NBEA: variants seen among roughly 807,000 people sequenced by gnomAD.
NBEA encodes the protein neurobeachin, also known as lysosomal-trafficking regulator 2.
Under a neutral mutation model 343.4 loss-of-function variants are expected in NBEA, and 44 were observed. The observed-to-expected ratio is 0.13, with a 90% CI of 0.10 to 0.16. The LOEUF (loss-of-function observed/expected upper bound fraction) is 0.16, where lower values mean the gene tolerates loss of function less well. Ranked by LOEUF, NBEA falls within the 10% of genes least tolerant of loss-of-function variation. The probability of loss-of-function intolerance (pLI) is 1.00; values close to 1 mark genes in which losing one functional copy is unlikely to be tolerated. For missense variants in NBEA, 2,555 were observed against 3,631.3 expected, an observed-to-expected ratio of 0.70 and a Z score of 7.62; for synonymous variants, 1,175 against 1,238.7, an observed-to-expected ratio of 0.95 and a Z score of 1.08.
chr13:35,432,337 G>A lies in NBEA; in HGVS notation c.6248G>A (p.Arg2083His), dbSNP rs201478045. 68 of 1,608,770 alleles carry A rather than the reference G, an allele frequency of 4.2e-5. No homozygotes were observed. Among genetic ancestry groups the A allele is most frequent in the Middle Eastern group, 3.3e-4 (2 of 6,072 alleles). ...DDLRRRRRFV[R>H]NAFGSTHAEA... is the part of the protein sequence containing the mutation. ...CTTCGTCGAAGGAGACGATTTGTTC[G>A]CAATGCATTTGGCTCCACTCATGCT... The change falls in exon 39 of 59, where the codon CGC (arginine) becomes CAC (histidine). Residue 2083 changes from arginine (R) to histidine (H), a missense_variant. Arg to His is a conservative substitution (Grantham distance 29). Around this residue, in one of 21 missense-constraint regions of NBEA, gnomAD observed 246 missense variants for 313.7 expected, o/e 0.78. Transcript: ENST00000379939.
At chr13:35,179,554 A>ATAAAAAG (rs2071162176) in intron 28 of NBEA, among the ~76,000 whole-genome samples, 1 of 151,412 alleles carries the variant, frequency 6.6e-6, no homozygotes, top group Admixed American at 6.6e-5. Context: ...AAAATAAAAA[A>ATAAAAAG]TAAAAAAAAA....
intron 18 of NBEA, among the ~76,000 whole-genome samples, chr13:35,150,137 A>G (rs768020674): frequency 3.3e-5 from 5 of 152,234 alleles, no homozygotes; most frequent in Non-Finnish European, 5.9e-5. Flanking sequence ...CAGACCTCTG[A>G]CCAATTTTAG....
At chr13:35,556,939 G>GT in intron 44 of NBEA, among the ~76,000 whole-genome samples, 1 of 152,198 alleles carries the variant, frequency 6.6e-6, no homozygotes, top group East Asian at 1.9e-4. Flanking sequence ...ACGTTCTTGT[G>GT]TAACAGTTTT....
intron 49 of NBEA, among the ~76,000 whole-genome samples, chr13:35,636,941 T>TG (rs2083716473): frequency 6.6e-6 from 1 of 152,250 alleles, no homozygotes; most frequent in Non-Finnish European, 1.5e-5. Context: ...GCAATGAGAC[T>TG]CTACAGCCTT....
intron 28 of NBEA, among the ~76,000 whole-genome samples, 200 bp from the exon 29 acceptor site, chr13:35,182,160 T>C (rs2071360989): frequency 6.6e-6 from 1 of 151,338 alleles, no homozygotes; most frequent in Non-Finnish European, 1.5e-5. Flanking sequence ...CATTCCAACC[T>C]GTAGATGATA....
intron 37 of NBEA, among the ~76,000 whole-genome samples, chr13:35,351,382 TAAAG>T (rs1047435411): frequency 3.9e-5 from 6 of 151,962 alleles, no homozygotes; most frequent in African/African-American, 9.7e-5. Context: ...AATTTATAAT[TAAAG>T]AAATATTTCT....
intron 34 of NBEA, among the ~76,000 whole-genome samples, chr13:35,261,484 C>T (rs2152798464): frequency 6.6e-6 from 1 of 151,966 alleles, no homozygotes; most frequent in Non-Finnish European, 1.5e-5. Flanking sequence ...GCACTCCAGC[C>T]TGGGCAACAG....
At chr13:35,183,360 A>C (rs2071446440) in intron 29 of NBEA, among the ~76,000 whole-genome samples, 1 of 152,042 alleles carries the variant, frequency 6.6e-6, no homozygotes, top group Admixed American at 6.6e-5. Flanking sequence ...TTTCCTAAAT[A>C]AATGCATATG....
chr13:35,522,465 A>G (rs1345709007), intron 41 of NBEA, among the ~76,000 whole-genome samples: 1 of 127,960 alleles, frequency 7.8e-6, no homozygotes, highest in Non-Finnish European at 1.7e-5. Context: ...ACAAAGCAAG[A>G]TACCATCTCC....
chr13:35,297,914 AT>A (rs1047990622), intron 35 of NBEA, among the ~76,000 whole-genome samples: 5 of 151,712 alleles, frequency 3.3e-5, no homozygotes, highest in Admixed American at 2.0e-4. Flanking sequence ...TAAATTCACA[AT>A]GTTATGTAAC....
At chr13:34,999,379 C>T (rs1238485097) in intron 1 of NBEA, among the ~76,000 whole-genome samples, 9 of 151,962 alleles carry the variant, frequency 5.9e-5, no homozygotes. Flanking sequence ...CACAGCTCTC[C>T]CCCAATACTC....
In NBEA at chr13:35,106,749, A is replaced by T. The variant is rs116028241; in HGVS notation, c.1681-2541A>T. 6.4e-3 allele frequency among the ~76,000 whole-genome samples: 975 copies of T among 152,028 alleles called. 11 individuals carry two copies. The highest frequency in any genetic ancestry group is 0.022 in the African/African-American group (934 of 41,544). On this transcript the variant is annotated intron_variant, in intron 11 of 58. Transcript: ENST00000379939. ...ACCCAACAGCATTAATTGGTATGCG[A>T]AAACAATGGCCCCCTCCGCCTTTTT...
Position 35,621,138 on chromosome 13 carries a change from A to T in NBEA, c.7450-6943A>T, listed in dbSNP as rs570658933. On this transcript the variant is annotated intron_variant, in intron 48 of 58. Coordinates refer to ENST00000379939, the MANE Select transcript of NBEA (RefSeq NM_001385012.1). ...GTGTCCTCTAAGGCTAATGTCTGAC[A>T]TATGGTTGGTGGTCAGTAATCTGGG... Among the ~76,000 whole-genome samples the T allele has an allele frequency of 5.3e-5, 8 of 152,308 alleles. No homozygotes were observed. In the South Asian group the frequency reaches 1.5e-3, roughly 28 times the overall value.
At chr13:35,191,091 C>T (rs991582273) in intron 30 of NBEA, among the ~76,000 whole-genome samples, 4 of 152,038 alleles carry the variant, frequency 2.6e-5, no homozygotes, top group African/African-American at 9.7e-5. Context: ...TTATCCTACG[C>T]TGGGGAACAG....
chr13:35,379,136 T>A (rs1484145381), intron 38 of NBEA, among the ~76,000 whole-genome samples: 1 of 152,118 alleles, frequency 6.6e-6, no homozygotes, highest in East Asian at 1.9e-4. Context: ...GGATTGGAAT[T>A]GCTGAGTCAT....
rs145797353 is a variant in NBEA, at chr13:35,391,221, GTTGAGAC to G, written c.6179+38900_6179+38906del. On this transcript the variant is annotated intron_variant, in intron 38 of 58. Transcript: ENST00000379939. ...ACCCAGGAGGCAGAGGTTGCAGTGAGTTGAGACTGTGCCACTGCATTCCAGCCTGGGT... is the reference window on the plus strand; with the variant it reads ...ACCCAGGAGGCAGAGGTTGCAGTGAGTGTGCCACTGCATTCCAGCCTGGGT... Among the ~76,000 whole-genome samples the G allele has an allele frequency of 7.7e-3, 1,167 of 151,276 alleles. 17 individuals are homozygous for G. The highest frequency in any genetic ancestry group is 0.027 in the African/African-American group (1,114 of 41,240).
At chr13:35,621,056 G>A (rs529424299) in intron 48 of NBEA, among the ~76,000 whole-genome samples, 104 of 152,264 alleles carry the variant, frequency 6.8e-4, no homozygotes, top group African/African-American at 2.1e-3. Context: ...GAGTCAACAT[G>A]TTTATCCTCC....
intron 38 of NBEA, among the ~76,000 whole-genome samples, chr13:35,421,298 C>A (rs758226636): frequency 2.2e-4 from 33 of 151,700 alleles, no homozygotes; most frequent in Non-Finnish European, 4.7e-4. Flanking sequence ...TTTTAGAATT[C>A]TGTTTTGATT....
chr13:35,218,539 T>C (rs2074190973), intron 33 of NBEA, among the ~76,000 whole-genome samples: 1 of 152,052 alleles, frequency 6.6e-6, no homozygotes, highest in Admixed American at 6.6e-5. Context: ...TAATGCAATT[T>C]ATTATAGTCA....
Sources: gnomAD v4.1 joint callset for allele counts (sites outside exome capture counted in the v4.1 genomes callset) on GRCh38, gnomAD v4.1.1 for gene constraint, gnomAD v4.1.1 regional missense constraint, MANE v1.5 for transcripts, NCBI Gene and HGNC (gene_info 2026-07-23, HGNC 2026-07-21) for gene names.